The following TASP1 variants were observed in gnomAD, a reference collection of about 807,000 sequenced individuals.
TASP1 encodes the protein threonine aspartase 1.
A neutral mutation model predicts 56.6 loss-of-function variants in TASP1; 16 were observed. The ratio of observed to expected loss-of-function variants is 0.28; its 90% CI spans 0.19 to 0.43. TASP1 has a LOEUF of 0.43. Ranked by LOEUF, TASP1 falls within the 20% of genes least tolerant of loss-of-function variation. The pLI, the probability that TASP1 is intolerant of heterozygous loss-of-function variation, is 1.00. For synonymous variants in TASP1, 179 were observed against 184.2 expected (o/e 0.97, Z 0.23); for missense variants, 393 against 511.6 (o/e 0.77, Z 2.24).
intron 1 of TASP1, among the ~76,000 whole-genome samples, chr20:13,630,640 G>A (rs1217490666): frequency 3.8e-5 from 5 of 132,648 alleles, no homozygotes; most frequent in African/African-American, 1.4e-4. Context: ...AGTGAGCCGA[G>A]ATCGCACCAC....
intron 4 of TASP1, among the ~76,000 whole-genome samples, chr20:13,598,027 A>G (rs1163857963): frequency 6.6e-6 from 1 of 152,210 alleles, no homozygotes; most frequent in Non-Finnish European, 1.5e-5. Flanking sequence ...TCAACAAAAT[A>G]AAAGAGGACA....
chr20:13,105,320 G>T, the TASP1 span, among the ~76,000 whole-genome samples: 1 of 151,994 alleles, frequency 6.6e-6, no homozygotes, highest in Non-Finnish European at 1.5e-5. Flanking sequence ...CTGGTGTGTT[G>T]ACCCTGGGGG....
chr20:13,387,184 A>ATTTTTTTTTTTTTTTTTTTT (rs779048448), downstream of TASP1, among the ~76,000 whole-genome samples: 39 of 70,702 alleles, frequency 5.5e-4, 2 homozygotes, highest in African/African-American at 2.3e-3. Context: ...ACATGATTTC[A>ATTTTTTTTTTTTTTTTTTTT]TTTTTTTTTT....
rs114519527 is a variant in TASP1 at position 13,584,874 on chromosome 20, G to C, written c.403+2376C>G. Among the ~76,000 whole-genome samples, 247 of 152,236 alleles carry C rather than the reference G, an allele frequency of 1.6e-3. 1 individual carries two copies. The highest frequency in any genetic ancestry group is 5.6e-3 in the African/African-American group (232 of 41,538). ...AAAAATAAAATATAATCATATAAAT[G>C]TTAAAAATATTGAATCCTACTTTTT... On this transcript the variant is annotated intron_variant, in intron 5 of 13. Coordinates refer to ENST00000337743, the MANE Select transcript of TASP1 (RefSeq NM_017714.3).
the TASP1 span, among the ~76,000 whole-genome samples, chr20:13,289,484 G>A: frequency 2.0e-5 from 3 of 152,222 alleles, no homozygotes; most frequent in Non-Finnish European, 2.9e-5. Context: ...CTTGGTGAGA[G>A]GTCATGTTGA....
the TASP1 span, among the ~76,000 whole-genome samples, chr20:13,174,475 A>G: frequency 6.6e-6 from 1 of 152,262 alleles, no homozygotes; most frequent in East Asian, 1.9e-4. Context: ...AGGTGGATAG[A>G]TCGCTTGAGC....
the TASP1 span, chr20:13,165,857 T>C: frequency 6.6e-6 from 1 of 152,206 alleles, no homozygotes; most frequent in South Asian, 2.1e-4. Context: ...CCAACACACT[T>C]GTTTAGGCCT....
chr20:13,615,666 G>A (rs1227501114), intron 4 of TASP1, among the ~76,000 whole-genome samples: 1 of 151,920 alleles, frequency 6.6e-6, no homozygotes, highest in African/African-American at 2.4e-5. Context: ...ACTACACCCA[G>A]CTAATTTTTT....
the TASP1 span, chr20:13,167,777 C>A: frequency 6.6e-6 from 1 of 152,174 alleles, no homozygotes; most frequent in Admixed American, 6.5e-5. Flanking sequence ...AGGCCCTACA[C>A]CAGACCTTTA....
the TASP1 span, among the ~76,000 whole-genome samples, chr20:13,172,225 C>T: frequency 6.6e-6 from 1 of 151,900 alleles, no homozygotes; most frequent in African/African-American, 2.4e-5. Context: ...AGATTTTTAT[C>T]TAAATACACC....
the TASP1 span, chr20:13,164,405 T>C: frequency 8.3e-6 from 4 of 479,708 alleles, no homozygotes; most frequent in South Asian, 6.2e-5. Flanking sequence ...TTCTGCAACC[T>C]TATCTTTTTC....
the TASP1 span, among the ~76,000 whole-genome samples, chr20:13,262,410 C>G: frequency 1.3e-5 from 2 of 151,976 alleles, no homozygotes; most frequent in African/African-American, 2.4e-5. Flanking sequence ...TTCTCCATCT[C>G]TCTACATTTG....
the TASP1 span, among the ~76,000 whole-genome samples, chr20:13,285,551 T>TG: frequency 6.6e-6 from 1 of 152,128 alleles, no homozygotes; most frequent in South Asian, 2.1e-4. Flanking sequence ...ACTTCACGCT[T>TG]GGGGGAAGAG....
chr20:13,399,358 C>T (rs540810093), intron 13 of TASP1, among the ~76,000 whole-genome samples: 1 of 152,280 alleles, frequency 6.6e-6, no homozygotes, highest in East Asian at 1.9e-4. Context: ...CACACATATC[C>T]AGCTACCTTT....
the TASP1 span, among the ~76,000 whole-genome samples, chr20:13,232,846 A>G: frequency 6.6e-6 from 1 of 152,230 alleles, no homozygotes; most frequent in Non-Finnish European, 1.5e-5. Flanking sequence ...ACTACAGTAT[A>G]TTATGAAATA....
the TASP1 span, among the ~76,000 whole-genome samples, chr20:13,149,757 G>T: frequency 1.3e-5 from 2 of 152,236 alleles, no homozygotes; most frequent in African/African-American, 4.8e-5. Context: ...TCTGGAAGCA[G>T]GGAAATGGTG....
the TASP1 span, among the ~76,000 whole-genome samples, chr20:13,133,926 G>A: frequency 6.6e-6 from 1 of 152,110 alleles, no homozygotes; most frequent in African/African-American, 2.4e-5. Context: ...TTATTCAAAG[G>A]GCCTCAATCC....
chr20:13,465,739 G>A (rs2044230573), intron 11 of TASP1, among the ~76,000 whole-genome samples: 1 of 149,068 alleles, frequency 6.7e-6, no homozygotes, highest in Admixed American at 6.8e-5. Context: ...AATCCTAAAA[G>A]GTCACATACT....
chr20:13,290,844 C>T, the TASP1 span, among the ~76,000 whole-genome samples: 1 of 152,168 alleles, frequency 6.6e-6, no homozygotes, highest in Non-Finnish European at 1.5e-5. Flanking sequence ...ACTCATTCGA[C>T]AGCTATAGTA....
Sources: allele counts gnomAD v4.1 joint callset (sites outside exome capture counted in the v4.1 genomes callset), GRCh38; gene constraint gnomAD v4.1.1; transcripts MANE v1.5; gene names NCBI Gene and HGNC (gene_info 2026-07-23, HGNC 2026-07-21).